RIC1: variants seen among roughly 807,000 people sequenced by gnomAD.
The protein encoded by RIC1 is guanine nucleotide exchange factor subunit RIC1.
Under a neutral mutation model 169.0 loss-of-function variants are expected in RIC1, and 88 were observed. The observed-to-expected ratio is 0.52, with a 90% CI of 0.44 to 0.62. RIC1 has a LOEUF of 0.62. Ranked by LOEUF, RIC1 falls within the 20% of genes least tolerant of loss-of-function variation. The pLI, the probability that RIC1 is intolerant of heterozygous loss-of-function variation, is 0.00. For synonymous variants in RIC1, 790 were observed against 601.5 expected (o/e 1.31, Z -4.59); for missense variants, 1,877 against 1,725.5 (o/e 1.09, Z -1.56).
chr9:5,778,040 G>A (rs768536445), downstream of RIC1, among the ~76,000 whole-genome samples: 2 of 152,174 alleles, frequency 1.3e-5, no homozygotes, highest in Admixed American at 6.5e-5. Flanking sequence ...ATGACATAAA[G>A]CAAATGTGGA....
At chr9:5,777,583 G>C (rs1827660015), downstream of RIC1, among the ~76,000 whole-genome samples, 1 of 151,976 alleles carries the variant, frequency 6.6e-6, no homozygotes, top group Non-Finnish European at 1.5e-5. Context: ...GCCTAATCCA[G>C]GGTTATGAAT....
At chr9:5,761,373 C>G (rs1236412070) in intron 17 of RIC1, among the ~76,000 whole-genome samples, 1 of 152,026 alleles carries the variant, frequency 6.6e-6, no homozygotes, top group Non-Finnish European at 1.5e-5. Context: ...CAGCCTCCCA[C>G]CAAATGCTGG....
intron 2 of RIC1, among the ~76,000 whole-genome samples, chr9:5,664,769 T>C (rs886359739): frequency 2.0e-5 from 3 of 152,250 alleles, no homozygotes; most frequent in African/African-American, 7.2e-5. Context: ...AGGTTCAGTT[T>C]ATTTACATAA....
chr9:5,724,166 C>T (rs944098306), intron 6 of RIC1, among the ~76,000 whole-genome samples: 2 of 152,182 alleles, frequency 1.3e-5, no homozygotes, highest in African/African-American at 2.4e-5. Context: ...GCCATTTTCA[C>T]AATATTGATT....
At chr9:5,753,498 G>C in intron 13 of RIC1, 38 bp from the exon 14 acceptor site, 4 of 1,293,818 alleles carry the variant, frequency 3.1e-6, no homozygotes, top group Non-Finnish European at 4.4e-6. Context: ...AAGTATATAG[G>C]TTTGCAAGGA....
Position 5,753,215 on chromosome 9 carries a change from C to A in RIC1, c.1468C>A (p.Leu490Ile), listed in dbSNP as rs1825822394. Residue 490 changes from leucine to isoleucine, a missense_variant, in exon 13 of 26, where the codon CTA becomes ATA. Physicochemically the swap from Leu to Ile is conservative, Grantham distance 5 (BLOSUM62 2). This residue lies in a region of RIC1 where 1,104 missense variants were observed against 992.0 expected (regional missense o/e 1.11). Coordinates refer to ENST00000414202, the MANE Select transcript of RIC1 (RefSeq NM_020829.4). ...TTTTCTATAGATTTCCAGCACCTAT[C>A]TAGAGAGCAATTGGCCTATACGGGT... is the stretch of plus-strand genomic sequence containing the variant. ...WHVVQISSTYLESNWPIRFSA... is the reference protein window; with the variant it reads ...WHVVQISSTYIESNWPIRFSA... 2 of 1,613,348 alleles carry A rather than the reference C, an allele frequency of 1.2e-6. No homozygotes were observed. The highest frequency in any genetic ancestry group is 1.7e-6 in the Non-Finnish European group (2 of 1,179,344).
intron 2 of RIC1, among the ~76,000 whole-genome samples, chr9:5,689,309 C>G (rs1236023391): frequency 6.6e-6 from 1 of 151,954 alleles, no homozygotes; most frequent in Non-Finnish European, 1.5e-5. Flanking sequence ...CCTTGGCCTC[C>G]CAAAATACTG....
Position 5,753,077 on chromosome 9 carries a change from C to G in RIC1, c.1453-123C>G. The G allele has an allele frequency of 3.9e-6, 3 of 767,354 alleles. No homozygotes were observed. The South Asian group carries it at 4.6e-5, about 12-fold the overall frequency. 47.5% of individuals were successfully genotyped at this position (767,354 alleles called of 1,614,324 possible). A position where few individuals can be genotyped will look rare whatever the true frequency, so the allele number is the denominator to read the frequency against. ...CAAATGGTAAATTCCAAGTGCTCTGCTACTAACTAGGGGGCACCTTAAACA... is the reference window on the plus strand; with the variant it reads ...CAAATGGTAAATTCCAAGTGCTCTGGTACTAACTAGGGGGCACCTTAAACA... On this transcript the variant is annotated intron_variant, in intron 12 of 25. Transcript: ENST00000414202.
At chr9:5,673,113 A>G (rs1820207515) in intron 2 of RIC1, among the ~76,000 whole-genome samples, 1 of 152,190 alleles carries the variant, frequency 6.6e-6, no homozygotes, top group South Asian at 2.1e-4. Flanking sequence ...ACAAGTTTAG[A>G]CAAGAAAATG....
Position 5,747,452 on chromosome 9 carries a change from G to A in RIC1, c.1399G>A (p.Glu467Lys), listed in dbSNP as rs764586236. 1 of 1,614,076 alleles carries A rather than the reference G, an allele frequency of 6.2e-7. No homozygotes were observed. Among genetic ancestry groups the A allele is most frequent in the African/African-American group, 1.3e-5 (1 of 75,040 alleles). Residue 467 changes from glutamate (E) to lysine (K), a missense_variant, in exon 12 of 26, where the codon GAG (glutamate) becomes AAG (lysine). Glu to Lys is a moderately conservative substitution (Grantham distance 56, BLOSUM62 1). Coordinates refer to ENST00000414202, the MANE Select transcript of RIC1 (RefSeq NM_020829.4). ...GAGCCCATTTGCAGATGGAGGTTTA[G>A]AGTCTCAGGGATTAAGCACTTTACT... ...EKSPFADGGL[E>K]SQGLSTLLGH... is the part of the protein sequence containing the mutation.
chr9:5,721,417 C>G (rs147841831), intron 6 of RIC1, among the ~76,000 whole-genome samples: 1 of 152,336 alleles, frequency 6.6e-6, no homozygotes, highest in Non-Finnish European at 1.5e-5. Context: ...TCCCACTTCA[C>G]AGATTGATTA....
intron 6 of RIC1, among the ~76,000 whole-genome samples, chr9:5,722,204 TC>T (rs1182389322): frequency 6.6e-6 from 1 of 150,480 alleles, no homozygotes; most frequent in African/African-American, 2.4e-5. Flanking sequence ...ATCTTCTTCT[TC>T]TTTTTTTTTT....
intron 8 of RIC1, 137 bp from the exon 9 acceptor site, chr9:5,742,732 A>T: frequency 1.3e-6 from 1 of 770,988 alleles, no homozygotes. Context: ...CTAAATGACC[A>T]GGATTTATTT....
At chr9:5,765,183 A>G (rs1182491465) in intron 19 of RIC1, 2 of 443,754 alleles carry the variant, frequency 4.5e-6, no homozygotes, top group Middle Eastern at 5.7e-4. Flanking sequence ...GACTTAAAGT[A>G]TATGTATGCT....
intron 2 of RIC1, among the ~76,000 whole-genome samples, chr9:5,678,945 C>G (rs544235146): frequency 0.029 from 4,439 of 151,190 alleles, 59 homozygotes; most frequent in Non-Finnish European, 0.035. Flanking sequence ...ATGGTATTGC[C>G]TAGGTTTTCT....
chr9:5,746,416 T>C (rs1195443080), intron 11 of RIC1, among the ~76,000 whole-genome samples: 2 of 152,134 alleles, frequency 1.3e-5, no homozygotes, highest in Admixed American at 1.3e-4. Flanking sequence ...ATGAGAGATA[T>C]TAGTAGCAGT....
chr9:5,668,144 A>G (rs956589195), intron 2 of RIC1, among the ~76,000 whole-genome samples: 1 of 152,148 alleles, frequency 6.6e-6, no homozygotes, highest in Non-Finnish European at 1.5e-5. Flanking sequence ...TTAAAGTACC[A>G]TCAGATCTCG....
intron 23 of RIC1, among the ~76,000 whole-genome samples, chr9:5,770,908 G>T (rs1463296404): frequency 9.2e-5 from 14 of 152,036 alleles, no homozygotes; most frequent in Admixed American, 8.5e-4. Context: ...GTTGGCATAG[G>T]GTTATATAGT....
At chr9:5,721,272 C>G (rs907209726) in intron 6 of RIC1, among the ~76,000 whole-genome samples, 12 of 152,118 alleles carry the variant, frequency 7.9e-5, no homozygotes, top group Admixed American at 7.2e-4. Flanking sequence ...GTTTTTGCTC[C>G]TTAGTTTAGC....
Sources: allele counts gnomAD v4.1 joint callset (sites outside exome capture counted in the v4.1 genomes callset), GRCh38; gene constraint gnomAD v4.1.1; regional missense constraint gnomAD v4.1.1; transcripts MANE v1.5; gene names NCBI Gene and HGNC (gene_info 2026-07-23, HGNC 2026-07-21).